FNBP1: variants seen among roughly 807,000 people sequenced by gnomAD.
The protein encoded by FNBP1 is formin binding protein 1.
Under a neutral mutation model 90.6 loss-of-function variants are expected in FNBP1, and 26 were observed. That is an observed-to-expected ratio of 0.29 (90% CI 0.21 to 0.40). The LOEUF is 0.40. Ranked by LOEUF, FNBP1 falls within the 10% of genes least tolerant of loss-of-function variation. FNBP1 has a pLI of 1.00. For missense variants in FNBP1, 635 were observed against 768.0 expected, an observed-to-expected ratio of 0.83 and a Z score of 2.05; for synonymous variants, 260 against 265.2, an observed-to-expected ratio of 0.98 and a Z score of 0.19.
At chr9:129,978,785 T>C (rs1295300701) in intron 3 of FNBP1, among the ~76,000 whole-genome samples, 173 bp from the exon 4 acceptor site, 1 of 152,184 alleles carries the variant, frequency 6.6e-6, no homozygotes, top group Non-Finnish European at 1.5e-5. Context: ...CAGAATTAAT[T>C]ACAATTGAAA....
chr9:130,046,681 T>C (rs2060062164), upstream of FNBP1, among the ~76,000 whole-genome samples: 1 of 142,892 alleles, frequency 7.0e-6, no homozygotes, highest in Non-Finnish European at 1.5e-5. Context: ...GGCAAGAGAA[T>C]CGCTTGAACC....
chr9:130,010,489 C>G (rs554858544), intron 1 of FNBP1, among the ~76,000 whole-genome samples: 3 of 152,230 alleles, frequency 2.0e-5, no homozygotes, highest in East Asian at 3.9e-4. Flanking sequence ...AACTCTTAAC[C>G]TAAAGTGATC....
intron 6 of FNBP1, among the ~76,000 whole-genome samples, chr9:129,946,076 C>T (rs1013678339): frequency 3.3e-5 from 5 of 151,782 alleles, no homozygotes; most frequent in African/African-American, 1.2e-4. Context: ...GGCTGAGGCA[C>T]GAGAATCACT....
At chr9:129,990,479 T>C (rs75698502) in intron 2 of FNBP1, among the ~76,000 whole-genome samples, 3,688 of 152,006 alleles carry the variant, frequency 0.024, 156 homozygotes, top group African/African-American at 0.083. Context: ...ATGCCTGGCA[T>C]GTACAAAAAA....
intron 6 of FNBP1, among the ~76,000 whole-genome samples, chr9:129,955,598 G>A (rs2046809311): frequency 6.6e-6 from 1 of 151,676 alleles, no homozygotes; most frequent in African/African-American, 2.4e-5. Flanking sequence ...GTGGGCTCCT[G>A]TAGTCCCAGC....
chr9:129,899,797 A>AGGAAGG (rs149093701), intron 15 of FNBP1, among the ~76,000 whole-genome samples, 168 bp downstream of exon 15: 6,212 of 133,420 alleles, frequency 0.047, 474 homozygotes, highest in African/African-American at 0.15. Context: ...AAGGGAAGGA[A>AGGAAGG]GGAAGGGGAA....
chr9:129,969,945 G>A (rs1314595846), intron 4 of FNBP1, among the ~76,000 whole-genome samples: 2 of 145,670 alleles, frequency 1.4e-5, no homozygotes, highest in Non-Finnish European at 3.0e-5. Context: ...CTGGAGTGCA[G>A]TGGCGCGATC....
At chr9:130,038,068 C>T (rs992932442) in intron 1 of FNBP1, among the ~76,000 whole-genome samples, 1 of 152,090 alleles carries the variant, frequency 6.6e-6, no homozygotes, top group African/African-American at 2.4e-5. Context: ...AAATTACATA[C>T]AGTCGGCCGG....
chr9:129,933,800 T>A (rs1588659832), intron 6 of FNBP1, among the ~76,000 whole-genome samples: 1 of 152,164 alleles, frequency 6.6e-6, no homozygotes, highest in African/African-American at 2.4e-5. Flanking sequence ...AATACTGTGA[T>A]ACATCAGATT....
Position 129,888,378 on chromosome 9 carries a change from T to A in FNBP1, c.*2161A>T, listed in dbSNP as rs2034865328. ...TCCTGAAGATCCCTGTCGTCCCCGT[T>A]GGCGGGGGAGCCCATTGTGGAGCTG... On this transcript the variant is annotated 3_prime_UTR_variant, in exon 17 of 17. Transcript: ENST00000446176. The A allele has an allele frequency of 4.3e-6, 1 of 232,544 alleles. No individual in the cohort carries two copies. Among genetic ancestry groups the A allele is most frequent in the African/African-American group, 2.2e-5 (1 of 45,308 alleles). The allele number at this position is 232,544 out of a possible 1,614,324, so 14.4% of individuals were successfully genotyped here.
intron 4 of FNBP1, among the ~76,000 whole-genome samples, chr9:129,960,383 C>CAAAAAAAAAAAAAAAAAA (rs10715833): frequency 3.7e-5 from 3 of 80,422 alleles, no homozygotes; most frequent in Non-Finnish European, 7.2e-5. Context: ...GACTCCATCT[C>CAAAAAAAAAAAAAAAAAA]AAAAAAAAAA....
intron 6 of FNBP1, among the ~76,000 whole-genome samples, chr9:129,951,320 C>T (rs902812357): frequency 6.6e-6 from 1 of 152,032 alleles, no homozygotes. Context: ...TCTTGAACTC[C>T]TAGCCTCCAG....
intron 11 of FNBP1, among the ~76,000 whole-genome samples, chr9:129,912,217 T>C (rs2039424163): frequency 6.6e-6 from 1 of 152,122 alleles, no homozygotes; most frequent in African/African-American, 2.4e-5. Context: ...TGCTGCTTGA[T>C]ATATAGCGGA....
At chr9:130,024,657 T>G (rs2058163474) in intron 1 of FNBP1, among the ~76,000 whole-genome samples, 1 of 152,220 alleles carries the variant, frequency 6.6e-6, no homozygotes, top group South Asian at 2.1e-4. Flanking sequence ...TTCATTCCGC[T>G]TTCTCAATTA....
intron 4 of FNBP1, among the ~76,000 whole-genome samples, chr9:129,963,232 G>C (rs750705926): frequency 1.3e-5 from 2 of 152,128 alleles, no homozygotes; most frequent in Admixed American, 6.6e-5. Flanking sequence ...GCTGTGGGTG[G>C]AGACAGGAAA....
intron 1 of FNBP1, chr9:130,013,909 C>T (rs1396095857): frequency 4.5e-6 from 2 of 440,122 alleles, no homozygotes; most frequent in Admixed American, 5.0e-5. Context: ...GTGCCAGCAC[C>T]ATATTCTTGG....
the FNBP1 span, chr9:130,053,827 A>G: frequency 2.6e-5 from 28 of 1,092,834 alleles, no homozygotes; most frequent in Admixed American, 5.1e-4. Context: ...CCACAGGGTC[A>G]GCGGAGCTAG....
Position 129,889,519 on chromosome 9 carries a change from G to A in FNBP1, c.*1020C>T, listed in dbSNP as rs1300766618. 14 of 190,358 alleles carry A rather than the reference G, an allele frequency of 7.4e-5. No homozygotes were observed. Among genetic ancestry groups the A allele is most frequent in the Non-Finnish European group, 1.2e-4 (11 of 92,348 alleles). 11.8% of individuals were successfully genotyped at this position (190,358 alleles called of 1,614,324 possible). On this transcript the variant is annotated 3_prime_UTR_variant, in exon 17 of 17. Transcript: ENST00000446176. ...CAGGAGGTGGAGGTTGTAGTGAGCC[G>A]AGATCATGCCACTGCACTCCAGTCT... is the stretch of plus-strand genomic sequence containing the variant.
At chr9:129,923,761 C>T in intron 10 of FNBP1, 83 bp downstream of exon 10, 2 of 1,355,146 alleles carry the variant, frequency 1.5e-6, no homozygotes, top group Non-Finnish European at 9.6e-7. Context: ...ACAATGGATT[C>T]ATTCACAAAC....
Sources: gnomAD v4.1 joint callset for allele counts (sites outside exome capture counted in the v4.1 genomes callset) on GRCh38, gnomAD v4.1.1 for gene constraint, MANE v1.5 for transcripts, NCBI Gene and HGNC (gene_info 2026-07-23, HGNC 2026-07-21) for gene names.